Variants in CD96 observed in about 807,000 individuals in gnomAD.
The protein encoded by CD96 is CD96 molecule.
CD96 carries 70 observed loss-of-function variants against 71.3 expected under a neutral mutation model. The observed-to-expected ratio is 0.98, with a 90% CI of 0.81 to 1.20. The LOEUF is 1.20. Ranked by LOEUF, CD96 falls within the 50% of genes most tolerant of loss-of-function variation. CD96 has a pLI of 0.00. For synonymous variants in CD96, 248 were observed against 233.0 expected, an observed-to-expected ratio of 1.06 and a Z score of -0.59; for missense variants, 742 against 677.5, an observed-to-expected ratio of 1.10 and a Z score of -1.06.
chr3:111,614,137 C>T (rs1938100752), intron 8 of CD96, among the ~76,000 whole-genome samples: 2 of 152,136 alleles, frequency 1.3e-5, no homozygotes, highest in African/African-American at 4.8e-5. Context: ...AATGTCAAAA[C>T]TCAAAAAAGT....
chr3:111,601,001 C>T, intron 7 of CD96, 87 bp downstream of exon 7: 1 of 864,786 alleles, frequency 1.2e-6, no homozygotes, highest in Non-Finnish European at 1.9e-6. Context: ...TTATCACTTC[C>T]ATAACGTTTT....
intron 14 of CD96, among the ~76,000 whole-genome samples, chr3:111,659,468 T>C (rs1251802357): frequency 6.6e-6 from 1 of 152,244 alleles, no homozygotes; most frequent in Non-Finnish European, 1.5e-5. Flanking sequence ...TAGATGTTTC[T>C]AACTTCTTGA....
chr3:111,626,618 G>C (rs1938777452), intron 10 of CD96, among the ~76,000 whole-genome samples: 1 of 152,112 alleles, frequency 6.6e-6, no homozygotes, highest in African/African-American at 2.4e-5. Flanking sequence ...CTATGCATGA[G>C]ATATGCACAC....
Position 111,600,706 on chromosome 3 carries a change from T to A in CD96, c.899-20T>A, listed in dbSNP as rs778980764. ...TACATAAAATGTTAGTGTTGAACCATGTTCGTATCTGTCTGGCAGGAATAT... is the reference window on the plus strand; with the variant it reads ...TACATAAAATGTTAGTGTTGAACCAAGTTCGTATCTGTCTGGCAGGAATAT... On this transcript the variant is annotated intron_variant, in intron 6 of 13. Coordinates refer to ENST00000352690, the MANE Select transcript of CD96 (RefSeq NM_005816.5). 1 of 1,570,740 alleles carries A rather than the reference T, an allele frequency of 6.4e-7. No individual in the cohort carries two copies. Among genetic ancestry groups the A allele is most frequent in the South Asian group, 1.1e-5 (1 of 90,170 alleles).
chr3:111,607,178 G>A, intron 8 of CD96: 1 of 231,816 alleles, frequency 4.3e-6, no homozygotes, highest in South Asian at 5.6e-5. Context: ...TATTCAGTGA[G>A]GAATTTAAAT....
At chr3:111,629,926 A>C (rs753260836) in intron 10 of CD96, among the ~76,000 whole-genome samples, 13 of 152,232 alleles carry the variant, frequency 8.5e-5, no homozygotes, top group Non-Finnish European at 5.9e-5. Flanking sequence ...TCAGGTTAAT[A>C]ATGAAATTAA....
chr3:111,638,646 G>T (rs1939449368), intron 12 of CD96, among the ~76,000 whole-genome samples: 1 of 152,108 alleles, frequency 6.6e-6, no homozygotes, highest in South Asian at 2.1e-4. Flanking sequence ...GAGAGCAAAA[G>T]ATTCAATAAA....
intron 3 of CD96, among the ~76,000 whole-genome samples, chr3:111,578,569 G>A (rs1936326395): frequency 6.6e-6 from 1 of 152,204 alleles, no homozygotes; most frequent in Non-Finnish European, 1.5e-5. Flanking sequence ...GGCTCGGGGA[G>A]GAGCTGACAA....
chr3:111,594,191 C>T lies in CD96; in HGVS notation c.808-3929C>T, dbSNP rs148139875. The stretch of plus-strand genomic sequence containing the variant: ...TGTTCCCTCCTCTTCCTCGTCTTCC[C>T]GCCTCATCATGTCACCTCTTCTACA... On this transcript the variant is annotated intron_variant, in intron 5 of 13. Coordinates refer to ENST00000352690, the MANE Select transcript of CD96 (RefSeq NM_005816.5). 37 of 1,593,538 alleles carry T rather than the reference C, an allele frequency of 2.3e-5. No individual in the cohort carries two copies. In the African/African-American group the frequency reaches 3.2e-4, roughly 14 times the overall value.
intron 3 of CD96, among the ~76,000 whole-genome samples, chr3:111,572,168 A>G (rs1234848835): frequency 1.3e-5 from 2 of 152,304 alleles, no homozygotes; most frequent in South Asian, 2.1e-4. Flanking sequence ...CGGGAGGACC[A>G]CCCCGAACAT....
chr3:111,602,730 T>C (rs1402214466), intron 7 of CD96, among the ~76,000 whole-genome samples: 1 of 152,182 alleles, frequency 6.6e-6, no homozygotes, highest in Non-Finnish European at 1.5e-5. Flanking sequence ...ACTTCTGATG[T>C]GTGGTGCAAG....
At chr3:111,637,405 G>C (rs180688064) in intron 11 of CD96, 144 bp downstream of exon 11, 2 of 691,688 alleles carry the variant, frequency 2.9e-6, no homozygotes, top group Non-Finnish European at 2.7e-6. Context: ...ACAATGAATG[G>C]AAACAAAATT....
intron 8 of CD96, among the ~76,000 whole-genome samples, chr3:111,617,639 C>T (rs1459090754): frequency 6.6e-6 from 1 of 152,208 alleles, no homozygotes; most frequent in Non-Finnish European, 1.5e-5. Flanking sequence ...GAACTACCCA[C>T]TTCAGGTCTC....
intron 12 of CD96, among the ~76,000 whole-genome samples, chr3:111,642,641 T>G (rs1424227338): frequency 6.6e-6 from 1 of 151,934 alleles, no homozygotes; most frequent in African/African-American, 2.4e-5. Context: ...AACCCGTCTC[T>G]ACTAAAAATA....
intron 14 of CD96, among the ~76,000 whole-genome samples, chr3:111,659,067 A>T (rs1940296506): frequency 1.3e-5 from 2 of 152,250 alleles, no homozygotes; most frequent in East Asian, 3.9e-4. Flanking sequence ...TCAGAAGTTG[A>T]TATTAGTCTA....
At chr3:111,609,968 G>A (rs1045689117) in intron 8 of CD96, among the ~76,000 whole-genome samples, 1 of 152,158 alleles carries the variant, frequency 6.6e-6, no homozygotes, top group East Asian at 1.9e-4. Context: ...GCTAAACATT[G>A]TACAACACAG....
At position 111,609,304 on chromosome 3, in the gene CD96, C is replaced by T. The variant is rs148560643; in HGVS notation, c.1180+2512C>T. On this transcript the variant is annotated intron_variant, in intron 8 of 13. Transcript: ENST00000352690. ...AGCCCCAGTTTAAGGACTCCAAATG[C>T]TATCCTTTATGAAATGGGGGAAGGA... 8.5e-5 allele frequency among the ~76,000 whole-genome samples: 13 copies of T among 152,238 alleles called. No homozygotes were observed. In the East Asian group the frequency reaches 2.5e-3, roughly 29 times the overall value.
intron 11 of CD96, 48 bp from the exon 12 acceptor site, chr3:111,638,031 T>C (rs1210877018): frequency 1.0e-6 from 1 of 1,004,056 alleles, no homozygotes; most frequent in African/African-American, 1.6e-5. Context: ...TTTATACCAC[T>C]TGATCAAGTT....
downstream of CD96, among the ~76,000 whole-genome samples, chr3:111,657,173 A>T (rs1304776149): frequency 2.6e-5 from 4 of 152,162 alleles, no homozygotes; most frequent in Non-Finnish European, 4.4e-5. Flanking sequence ...TAATCCCAGC[A>T]TTTTGGGAGG....
Sources: allele counts gnomAD v4.1 joint callset (sites outside exome capture counted in the v4.1 genomes callset), GRCh38; gene constraint gnomAD v4.1.1; transcripts MANE v1.5; gene names NCBI Gene and HGNC (gene_info 2026-07-23, HGNC 2026-07-21).